ASTN1: variants seen among roughly 807,000 people sequenced by gnomAD.
ASTN1 encodes astrotactin-1.
Under a neutral mutation model 140.7 loss-of-function variants are expected in ASTN1, and 41 were observed. The observed-to-expected ratio is 0.29, with a 90% CI of 0.23 to 0.38. The LOEUF (loss-of-function observed/expected upper bound fraction) is 0.38, where lower values mean the gene tolerates loss of function less well. Among genes scored for constraint, ASTN1 ranks in the 10% least tolerant of loss-of-function variants. ASTN1 has a pLI of 1.00. For synonymous variants in ASTN1, 640 were observed against 652.2 expected, an observed-to-expected ratio of 0.98 and a Z score of 0.29; for missense variants, 1,479 against 1,678.8, an observed-to-expected ratio of 0.88 and a Z score of 2.08.
At chr1:177,084,691 A>G (rs1679341508) in intron 1 of ASTN1, among the ~76,000 whole-genome samples, 1 of 151,812 alleles carries the variant, frequency 6.6e-6, no homozygotes, top group South Asian at 2.1e-4. Context: ...GTCTCTTTCA[A>G]CTTCAATCTC....
In ASTN1 at chr1:177,006,035, T is replaced by C. The variant is rs560863144; in HGVS notation, c.1523+8756A>G. 3.3e-5 allele frequency among the ~76,000 whole-genome samples: 5 copies of C among 152,336 alleles called. No homozygotes were observed. The South Asian group carries it at 6.2e-4, about 19-fold the overall frequency. On this transcript the variant is annotated intron_variant, in intron 8 of 22. Transcript: ENST00000361833. ...TAGATGGTGTTCCTACAACCTCTTA[T>C]TATACACAGACTTACAGAGATGTTT...
At chr1:176,977,904 A>G (rs1464402216) in intron 8 of ASTN1, among the ~76,000 whole-genome samples, 1 of 152,236 alleles carries the variant, frequency 6.6e-6, no homozygotes, top group African/African-American at 2.4e-5. Flanking sequence ...CTGAAGGCTA[A>G]TGACTTGGGG....
At chr1:177,027,001 T>C (rs1676149679) in intron 5 of ASTN1, among the ~76,000 whole-genome samples, 1 of 152,174 alleles carries the variant, frequency 6.6e-6, no homozygotes, top group Non-Finnish European at 1.5e-5. Flanking sequence ...GCTGATCTTC[T>C]AACATTATTT....
intron 8 of ASTN1, among the ~76,000 whole-genome samples, chr1:176,980,735 C>G (rs1179997455): frequency 6.6e-6 from 1 of 151,946 alleles, no homozygotes; most frequent in Non-Finnish European, 1.5e-5. Flanking sequence ...GGTTCAAATG[C>G]TAAAAGGTGG....
At chr1:176,946,978 AC>A (rs1003950486) in intron 12 of ASTN1, among the ~76,000 whole-genome samples, 2 of 152,242 alleles carry the variant, frequency 1.3e-5, no homozygotes, top group African/African-American at 4.8e-5. Context: ...TTGGGCATAA[AC>A]CAAATTTAGA....
intron 5 of ASTN1, among the ~76,000 whole-genome samples, chr1:177,027,742 G>A (rs1312059672): frequency 1.3e-5 from 2 of 150,448 alleles, no homozygotes; most frequent in African/African-American, 4.9e-5. Flanking sequence ...GTGTGTGTGT[G>A]TGTGTGTGTG....
In ASTN1 at chr1:176,958,362, C is replaced by T; in HGVS notation, c.1719G>A (p.Glu573=). Reference sequence around the variant, plus strand: ...AGACTCACCTGACCTCCACAGCATCCTCCATCACAGTCATGTCCGTCTTGC... The same window carrying T: ...AGACTCACCTGACCTCCACAGCATCTTCCATCACAGTCATGTCCGTCTTGC... ...AKCKTDMTVM[E]DAVEVREELM... The change falls in exon 10 of 23, where the codon GAG becomes GAA. Residue 573 remains glutamate, a synonymous_variant. Coordinates refer to ENST00000361833, the MANE Select transcript of ASTN1 (RefSeq NM_004319.3). 1 of 1,614,086 alleles carries T rather than the reference C, an allele frequency of 6.2e-7. No homozygotes were observed. The highest frequency in any genetic ancestry group is 8.5e-7 in the Non-Finnish European group (1 of 1,179,942).
chr1:177,023,302 A>T, intron 7 of ASTN1, 102 bp downstream of exon 7: 1 of 1,406,798 alleles, frequency 7.1e-7, no homozygotes, highest in Non-Finnish European at 9.6e-7. Context: ...TCGAGATGGC[A>T]GTGGGACGGG....
At chr1:176,992,913 G>C (rs896118056) in intron 8 of ASTN1, among the ~76,000 whole-genome samples, 1 of 152,154 alleles carries the variant, frequency 6.6e-6, no homozygotes, top group Non-Finnish European at 1.5e-5. Context: ...ATAGAAGCTA[G>C]GGCCTTTAAA....
intron 1 of ASTN1, among the ~76,000 whole-genome samples, chr1:177,151,354 C>T (rs1309926938): frequency 6.6e-6 from 1 of 151,688 alleles, no homozygotes; most frequent in Non-Finnish European, 1.5e-5. Flanking sequence ...GCTGGGATTT[C>T]AGGCACGTAA....
rs1247398717 is a variant in ASTN1 at position 177,101,268 on chromosome 1, G to C, written c.284-40003C>G. On this transcript the variant is annotated intron_variant, in intron 1 of 22. Transcript: ENST00000361833. ...GACATGCATAAGAATGTTCATAGCT[G>C]TCCTGTTCAAAATAGACCCAAACTG... 2.0e-5 allele frequency among the ~76,000 whole-genome samples: 3 copies of C among 152,100 alleles called. No individual in the cohort carries two copies. The East Asian group carries it at 5.8e-4, about 29-fold the overall frequency.
chr1:176,996,375 T>G (rs1200630863), intron 8 of ASTN1, among the ~76,000 whole-genome samples: 1 of 151,556 alleles, frequency 6.6e-6, no homozygotes, highest in Non-Finnish European at 1.5e-5. Flanking sequence ...AGCAGATTCC[T>G]CACAGTAATT....
chr1:176,886,680 G>A (rs1323820544), intron 18 of ASTN1, among the ~76,000 whole-genome samples: 2 of 152,160 alleles, frequency 1.3e-5, no homozygotes, highest in Non-Finnish European at 2.9e-5. Context: ...TCCTTCCTCT[G>A]ATTTCTTCTT....
chr1:177,021,170 T>A (rs1166006378), intron 7 of ASTN1, among the ~76,000 whole-genome samples: 1 of 152,240 alleles, frequency 6.6e-6, no homozygotes, highest in East Asian at 1.9e-4. Context: ...TTTGCAGTAT[T>A]GTTTCTCAGC....
chr1:177,111,060 G>A (rs979865236), intron 1 of ASTN1, among the ~76,000 whole-genome samples: 6 of 152,114 alleles, frequency 3.9e-5, no homozygotes, highest in Non-Finnish European at 7.4e-5. Context: ...AGCCTCTTGG[G>A]GACAGTGGCA....
At chr1:177,075,082 T>C (rs1159498131) in intron 1 of ASTN1, among the ~76,000 whole-genome samples, 1 of 152,170 alleles carries the variant, frequency 6.6e-6, no homozygotes, top group South Asian at 2.1e-4. Flanking sequence ...TTCTTGCTTT[T>C]TTTTATTTTG....
intron 14 of ASTN1, among the ~76,000 whole-genome samples, chr1:176,936,669 A>G (rs1309003410): frequency 1.3e-5 from 2 of 152,212 alleles, no homozygotes; most frequent in African/African-American, 4.8e-5. Context: ...AAGGCTGGCT[A>G]TGTTACTGTA....
rs770986304 is a variant in ASTN1 at position 177,029,700 on chromosome 1, C to T, written c.1054G>A (p.Glu352Lys). 4 of 1,613,450 alleles carry T rather than the reference C, an allele frequency of 2.5e-6. No homozygotes were observed. The highest frequency in any genetic ancestry group is 4.5e-5 in the East Asian group (2 of 44,878). Residue 352 changes from glutamate (E) to lysine (K), a missense_variant, in exon 5 of 23, where the codon GAG (glutamate) becomes AAG (lysine). This residue lies in a region of ASTN1 where 729 missense variants were observed against 860.4 expected (regional missense o/e 0.85). Coordinates refer to ENST00000361833, the MANE Select transcript of ASTN1 (RefSeq NM_004319.3). The stretch of plus-strand genomic sequence containing the variant: ...GTCAGCTGGGGGTCGTTTTCTGCCT[C>T]TGTGCCAGAATCCCCTTCAGGGTTC... ...FLNPEGDSGTEAENDPQLTFY... is the reference protein window; with the variant it reads ...FLNPEGDSGTKAENDPQLTFY...
chr1:177,151,433 A>G (rs1232514748), intron 1 of ASTN1, among the ~76,000 whole-genome samples: 3 of 151,786 alleles, frequency 2.0e-5, no homozygotes, highest in Non-Finnish European at 4.4e-5. Flanking sequence ...TCTTAAAAAA[A>G]AAAAAAGAGA....
Sources: allele counts gnomAD v4.1 joint callset (sites outside exome capture counted in the v4.1 genomes callset), GRCh38; gene constraint gnomAD v4.1.1; regional missense constraint gnomAD v4.1.1; transcripts MANE v1.5; gene names NCBI Gene and HGNC (gene_info 2026-07-23, HGNC 2026-07-21).